The following CCN6 variants were observed in gnomAD, a reference collection of about 807,000 sequenced individuals.
CCN6 encodes the protein CCN family member 6.
Under a neutral mutation model 37.4 loss-of-function variants are expected in CCN6, and 31 were observed. That is an observed-to-expected ratio of 0.83 (90% confidence interval 0.62 to 1.12). The LOEUF is 1.12. Among genes scored for constraint, CCN6 ranks in the 50% most tolerant of loss-of-function variants. The probability of loss-of-function intolerance (pLI) is 0.00; values close to 1 mark genes in which losing one functional copy is unlikely to be tolerated. For synonymous variants in CCN6, 137 were observed against 142.1 expected, an observed-to-expected ratio of 0.96 and a Z score of 0.26; for missense variants, 369 against 413.8, an observed-to-expected ratio of 0.89 and a Z score of 0.94.
Position 112,061,289 on chromosome 6 carries a change from G to GTA in CCN6, c.346+2_346+3dup, listed in dbSNP as rs1227697300. The GTA allele has an allele frequency of 6.2e-7, 1 of 1,614,054 alleles. No individual in the cohort carries two copies. The highest frequency in any genetic ancestry group is 1.3e-5 in the African/African-American group (1 of 74,928). ...AGGTACGAGACTGGAGTGTGTGCATGTAAGTGTCTTCTTCTGGACCTGCTG... is the reference window on the plus strand; with the variant it reads ...AGGTACGAGACTGGAGTGTGTGCATGTATAAGTGTCTTCTTCTGGACCTGCTG... On this transcript the variant is annotated splice_donor_variant, in intron 2 of 4. Coordinates refer to ENST00000368666, the MANE Select transcript of CCN6 (RefSeq NM_198239.2). LOFTEE classifies it high-confidence loss of function.
chr6:112,055,774 G>A (rs1255237818), intron 1 of CCN6, among the ~76,000 whole-genome samples: 3 of 152,148 alleles, frequency 2.0e-5, no homozygotes, highest in Non-Finnish European at 2.9e-5. Context: ...TATTTTAGTA[G>A]AGATAGGGTT....
At chr6:112,054,528 T>C in intron 1 of CCN6, 123 bp downstream of exon 1, 1 of 901,240 alleles carries the variant, frequency 1.1e-6, no homozygotes, top group Non-Finnish European at 1.8e-6. Flanking sequence ...TGGAACTACT[T>C]CATGAGAAAT....
intron 1 of CCN6, among the ~76,000 whole-genome samples, chr6:112,055,852 A>G (rs1554311673): frequency 6.6e-6 from 1 of 152,114 alleles, no homozygotes; most frequent in African/African-American, 2.4e-5. Flanking sequence ...GGCCTCCCAA[A>G]GTGTTGGGAT....
chr6:112,053,484 T>C (rs1305575340), upstream of CCN6, among the ~76,000 whole-genome samples: 1 of 151,736 alleles, frequency 6.6e-6, no homozygotes, highest in African/African-American at 2.4e-5. Flanking sequence ...TTTTTTTTTT[T>C]TTAGCAGAGA....
intron 3 of CCN6, chr6:112,066,959 T>C (rs781858000): frequency 2.9e-6 from 4 of 1,365,982 alleles, no homozygotes; most frequent in Non-Finnish European, 3.9e-6. Context: ...CCTGCCTTTA[T>C]TTATTGCAGA....
At chr6:112,067,924 G>C (rs1489541055) in intron 3 of CCN6, among the ~76,000 whole-genome samples, 3 of 152,016 alleles carry the variant, frequency 2.0e-5, no homozygotes, top group African/African-American at 7.2e-5. Flanking sequence ...CAGAGGACAG[G>C]CAAAGCAGAA....
At chr6:112,066,759 G>C (rs1776707315) in intron 3 of CCN6, among the ~76,000 whole-genome samples, 1 of 152,158 alleles carries the variant, frequency 6.6e-6, no homozygotes, top group African/African-American at 2.4e-5. Flanking sequence ...TGCTAGGTCA[G>C]TATGAAGCAC....
rs1776505127 is a variant in CCN6, at chr6:112,061,107, T to C, written c.165T>C (p.Pro55=). Reference sequence around the variant, plus strand: ...TTTGTCACTGGCCCTGCAAATGCCCTCAGCAGAAGCCCCGTTGCCCTCCTG... The same window carrying C: ...TTTGTCACTGGCCCTGCAAATGCCCCCAGCAGAAGCCCCGTTGCCCTCCTG... The part of the protein sequence containing the change: ...KQFCHWPCKC[P]QQKPRCPPGV... Residue 55 remains proline, a synonymous_variant, in exon 2 of 5, where the codon CCT becomes CCC. Coordinates refer to ENST00000368666, the MANE Select transcript of CCN6 (RefSeq NM_198239.2). 4 of 1,614,182 alleles carry C rather than the reference T, an allele frequency of 2.5e-6. No homozygotes were observed. Among genetic ancestry groups the C allele is most frequent in the Non-Finnish European group, 2.5e-6 (3 of 1,180,016 alleles).
Position 112,068,323 on chromosome 6 carries a change from C to T in CCN6, c.708C>T (p.Ser236=). 2 of 1,613,212 alleles carry T rather than the reference C, an allele frequency of 1.2e-6. No individual in the cohort carries two copies. The highest frequency in any genetic ancestry group is 1.7e-6 in the Non-Finnish European group (2 of 1,179,520). The change falls in exon 4 of 5, where the codon AGC becomes AGT. Residue 236 remains serine (S), a synonymous_variant. Coordinates refer to ENST00000368666, the MANE Select transcript of CCN6 (RefSeq NM_198239.2). ...GISNRVTNEN[S]NCEMRKEKRL... ...CTAACAGGGTGACCAATGAAAACAG[C>T]AACTGTGAAATGAGAAAAGAGAAAA... is the stretch of plus-strand genomic sequence containing the variant.
rs370488556 is a variant in CCN6 at position 112,061,864 on chromosome 6, C to T, written c.346+576C>T. On this transcript the variant is annotated intron_variant, in intron 2 of 4. Transcript: ENST00000368666. ...CTGATTCAGACCATCTAAACATTGA[C>T]ACTAATTCAGGGTGCCAAATTATTT... Among the ~76,000 whole-genome samples the T allele has an allele frequency of 2.4e-4, 36 of 152,306 alleles. No homozygotes were observed. In the South Asian group the frequency reaches 7.1e-3, roughly 30 times the overall value.
chr6:112,061,161 A>G lies in CCN6; in HGVS notation c.219A>G (p.Gly73=). The change falls in exon 2 of 5, where the codon GGA becomes GGG. Residue 73 remains glycine (G), a synonymous_variant. Transcript: ENST00000368666. The stretch of plus-strand genomic sequence containing the variant: ...TGAGCCTGGTGAGAGATGGCTGTGG[A>G]TGCTGTAAAATCTGTGCCAAGCAAC... The part of the protein sequence containing the change: ...PGVSLVRDGC[G]CCKICAKQPG... 1 of 1,614,130 alleles carries G rather than the reference A, an allele frequency of 6.2e-7. No homozygotes were observed. Among genetic ancestry groups the G allele is most frequent in the Non-Finnish European group, 8.5e-7 (1 of 1,180,014 alleles).
Position 112,061,239 on chromosome 6 carries a change from T to C in CCN6, c.297T>C (p.Tyr99=). The C allele has an allele frequency of 6.2e-7, 1 of 1,614,180 alleles. No individual in the cohort carries two copies. Among genetic ancestry groups the C allele is most frequent in the Middle Eastern group, 1.6e-4 (1 of 6,062 alleles). Residue 99 remains tyrosine, a synonymous_variant, in exon 2 of 5, where the codon TAT becomes TAC. Coordinates refer to ENST00000368666, the MANE Select transcript of CCN6 (RefSeq NM_198239.2). ...ADLCDPHKGL[Y]CDYSVDRPRY... ...TCTGTGACCCACACAAAGGGCTGTA[T>C]TGTGACTACTCAGTAGACAGGCCTA...
chr6:112,056,089 G>A (rs1776340742), intron 1 of CCN6, among the ~76,000 whole-genome samples: 1 of 152,084 alleles, frequency 6.6e-6, no homozygotes, highest in Admixed American at 6.6e-5. Flanking sequence ...AAATTTTGCT[G>A]TTGAAAACAA....
intron 1 of CCN6, 117 bp downstream of exon 1, chr6:112,054,522 A>G (rs1776287482): frequency 1.0e-6 from 1 of 964,162 alleles, no homozygotes; most frequent in African/African-American, 1.6e-5. Context: ...GGCTTGTGGA[A>G]CTACTTCATG....
rs781805094 is a variant in CCN6, at chr6:112,064,757, C to G, written c.349C>G (p.Leu117Val). 5.6e-6 allele frequency: 9 copies of G among 1,613,850 alleles called. No individual in the cohort carries two copies. The Admixed American group carries it at 1.0e-4, about 18-fold the overall frequency. ...PRYETGVCAY[L>V]VAVGCEFNQV... is the part of the protein sequence containing the mutation. ...ATTTTGCTCTTTTCTCTTTTCAGAC[C>G]TTGTAGCTGTTGGGTGCGAGTTCAA... Residue 117 changes from leucine to valine, a missense_variant and splice_region_variant, in exon 3 of 5, where the codon CTT becomes GTT. Physicochemically the swap from Leu to Val is conservative, Grantham distance 32. Transcript: ENST00000368666.
chr6:112,053,992 C>T (rs1408221448), upstream of CCN6: 9 of 433,860 alleles, frequency 2.1e-5, no homozygotes, highest in Non-Finnish European at 2.2e-5. Context: ...ACGTGGGACC[C>T]CACCCGTTGT....
At chr6:112,053,688 C>T (rs898949503), upstream of CCN6, among the ~76,000 whole-genome samples, 7 of 152,186 alleles carry the variant, frequency 4.6e-5, no homozygotes, top group African/African-American at 1.7e-4. Context: ...CCTGCTCCAT[C>T]TGTATTTTTT....
intron 3 of CCN6, 39 bp from the exon 4 acceptor site, chr6:112,068,166 T>G: frequency 7.0e-7 from 1 of 1,427,328 alleles, no homozygotes; most frequent in East Asian, 2.4e-5. Flanking sequence ...ACAAGTACAT[T>G]TATATGTATA....
chr6:112,064,664 G>C, intron 2 of CCN6, 91 bp from the exon 3 acceptor site: 3 of 1,584,662 alleles, frequency 1.9e-6, no homozygotes, highest in Non-Finnish European at 2.6e-6. Context: ...TCATACAGGA[G>C]ATGATCCGTT....
Sources: allele counts gnomAD v4.1 joint callset (sites outside exome capture counted in the v4.1 genomes callset), GRCh38; gene constraint gnomAD v4.1.1; transcripts MANE v1.5; gene names NCBI Gene and HGNC (gene_info 2026-07-23, HGNC 2026-07-21).